The following KHDRBS2 variants were observed in gnomAD, a reference collection of about 807,000 sequenced individuals.
The protein encoded by KHDRBS2 is KH domain-containing, RNA-binding, signal transduction-associated protein 2.
KHDRBS2 carries 26 observed loss-of-function variants against 44.3 expected under a neutral mutation model. That is an observed-to-expected ratio of 0.59 (90% CI 0.43 to 0.81). The LOEUF (loss-of-function observed/expected upper bound fraction) is 0.81. Ranked by LOEUF, KHDRBS2 falls within the 40% of genes least tolerant of loss-of-function variation. The pLI is 0.00. For synonymous variants in KHDRBS2, 194 were observed against 151.1 expected (o/e 1.28, Z -2.08); for missense variants, 476 against 433.1 (o/e 1.10, Z -0.88).
chr6:62,089,950 A>G (rs1240721234), intron 2 of KHDRBS2, among the ~76,000 whole-genome samples: 2 of 152,172 alleles, frequency 1.3e-5, no homozygotes, highest in African/African-American at 4.8e-5. Flanking sequence ...GTGAAGGCCA[A>G]GGAACTGCAA....
chr6:62,265,296 T>C (rs1339654425), intron 1 of KHDRBS2, among the ~76,000 whole-genome samples: 1 of 152,018 alleles, frequency 6.6e-6, no homozygotes, highest in African/African-American at 2.4e-5. Flanking sequence ...GACTGTCTCC[T>C]GCATGCCACC....
Position 61,978,079 on chromosome 6 carries a change from T to A in KHDRBS2, c.470A>T (p.Lys157Ile), listed in dbSNP as rs1773071487. Reference protein sequence around the residue: ...RMSHALEEIKKFLVPDYNDEI... With the variant: ...RMSHALEEIKIFLVPDYNDEI... ...AAAGACACTTACAGGAACCAGGAATTTTTTAATCTCTTCCAATGCATGACT... is the reference window on the plus strand; with the variant it reads ...AAAGACACTTACAGGAACCAGGAATATTTTAATCTCTTCCAATGCATGACT... Residue 157 changes from lysine (K) to isoleucine (I), a missense_variant, in exon 4 of 9, where the codon AAA becomes ATA. Transcript: ENST00000281156. 1 of 1,590,408 alleles carries A rather than the reference T, an allele frequency of 6.3e-7. No individual in the cohort carries two copies. Among genetic ancestry groups the A allele is most frequent in the Admixed American group, 1.9e-5 (1 of 53,218 alleles).
At chr6:61,999,613 A>G (rs1488470066) in intron 3 of KHDRBS2, among the ~76,000 whole-genome samples, 1 of 152,142 alleles carries the variant, frequency 6.6e-6, no homozygotes, top group East Asian at 1.9e-4. Context: ...TAAAAGTACA[A>G]ATATTTTTAA....
chr6:62,186,495 A>T (rs1823444968), intron 1 of KHDRBS2, among the ~76,000 whole-genome samples: 1 of 152,044 alleles, frequency 6.6e-6, no homozygotes, highest in African/African-American at 2.4e-5. Flanking sequence ...ATTGTTAATT[A>T]TTGATGGTAT....
intron 3 of KHDRBS2, among the ~76,000 whole-genome samples, chr6:62,031,814 C>T (rs1350141732): frequency 6.6e-6 from 1 of 152,028 alleles, no homozygotes; most frequent in African/African-American, 2.4e-5. Flanking sequence ...TCATCACCAC[C>T]CAGAAGGGAA....
intron 1 of KHDRBS2, among the ~76,000 whole-genome samples, chr6:62,224,790 T>A (rs1297005025): frequency 1.3e-5 from 2 of 152,240 alleles, no homozygotes; most frequent in Non-Finnish European, 2.9e-5. Context: ...GCCTTTTATA[T>A]GCTACTTGGT....
chr6:62,092,690 T>G (rs1466637795), intron 2 of KHDRBS2, among the ~76,000 whole-genome samples: 2 of 152,214 alleles, frequency 1.3e-5, no homozygotes, highest in East Asian at 1.9e-4. Context: ...ACCTTTATTT[T>G]CATCAATCTT....
chr6:61,866,801 G>A (rs1174859138), intron 6 of KHDRBS2, among the ~76,000 whole-genome samples: 1 of 152,198 alleles, frequency 6.6e-6, no homozygotes, highest in Non-Finnish European at 1.5e-5. Flanking sequence ...ATTTAGAGCA[G>A]GGGCAAAATG....
In KHDRBS2 at chr6:61,925,409, A is replaced by G. The variant is rs192473645; in HGVS notation, c.484-24038T>C. Among the ~76,000 whole-genome samples, 22 of 152,284 alleles carry G rather than the reference A, an allele frequency of 1.4e-4. No homozygotes were observed. The East Asian group carries it at 3.5e-3, about 24-fold the overall frequency. The stretch of plus-strand genomic sequence containing the variant: ...GTTCCAAAGGTAAATAAGATGTTAT[A>G]TTTTCATCAAGCAATTTATAGTTTG... On this transcript the variant is annotated intron_variant, in intron 4 of 8. Transcript: ENST00000281156.
chr6:62,273,020 C>G, intron 1 of KHDRBS2, among the ~76,000 whole-genome samples: 1 of 152,046 alleles, frequency 6.6e-6, no homozygotes, highest in East Asian at 1.9e-4. Flanking sequence ...AAAAGGGATA[C>G]ATAAGTTAAA....
At chr6:61,747,398 C>A (rs1252348667) in intron 6 of KHDRBS2, among the ~76,000 whole-genome samples, 1 of 152,140 alleles carries the variant, frequency 6.6e-6, no homozygotes, top group African/African-American at 2.4e-5. Flanking sequence ...TGACATGATG[C>A]ACCTATTTAA....
At chr6:62,254,622 C>A (rs1837074253) in intron 1 of KHDRBS2, among the ~76,000 whole-genome samples, 1 of 151,778 alleles carries the variant, frequency 6.6e-6, no homozygotes, top group Non-Finnish European at 1.5e-5. Context: ...AGGAGAAAGC[C>A]AGTATTTAGT....
intron 6 of KHDRBS2, among the ~76,000 whole-genome samples, chr6:61,865,703 T>G (rs1215484562): frequency 6.6e-6 from 1 of 152,176 alleles, no homozygotes; most frequent in Admixed American, 6.5e-5. Flanking sequence ...CTTAATTCAT[T>G]TCAGCATTAA....
At chr6:62,075,853 G>C (rs1245907806) in intron 2 of KHDRBS2, among the ~76,000 whole-genome samples, 1 of 151,134 alleles carries the variant, frequency 6.6e-6, no homozygotes, top group African/African-American at 2.4e-5. Context: ...TCTAATCTCT[G>C]TATATACCCT....
chr6:62,072,917 T>C (rs1266181946), intron 2 of KHDRBS2, among the ~76,000 whole-genome samples: 2 of 152,118 alleles, frequency 1.3e-5, no homozygotes, highest in African/African-American at 4.8e-5. Flanking sequence ...GAAGGAATGG[T>C]ACCAGCTCCC....
chr6:61,543,902 C>T, the KHDRBS2 span, among the ~76,000 whole-genome samples: 1 of 151,848 alleles, frequency 6.6e-6, no homozygotes, highest in African/African-American at 2.4e-5. Flanking sequence ...AAAATCGAAA[C>T]AATTGAACTC....
intron 3 of KHDRBS2, among the ~76,000 whole-genome samples, chr6:61,983,203 T>TCTTTCTTTTCTTTCTTTC (rs796396120): frequency 8.9e-5 from 5 of 56,496 alleles, no homozygotes; most frequent in African/African-American, 3.6e-4. Context: ...TTTTTCATTT[T>TCTTTCTTTTCTTTCTTTC]CTTTCTTTCT....
At chr6:62,245,458 TC>T (rs1220874885) in intron 1 of KHDRBS2, among the ~76,000 whole-genome samples, 1 of 152,168 alleles carries the variant, frequency 6.6e-6, no homozygotes, top group Non-Finnish European at 1.5e-5. Flanking sequence ...TGTTTGATTT[TC>T]TTTCTGTTTC....
chr6:61,550,559 C>G, the KHDRBS2 span, among the ~76,000 whole-genome samples: 1 of 151,838 alleles, frequency 6.6e-6, no homozygotes, highest in African/African-American at 2.4e-5. Flanking sequence ...GGGATGGTGG[C>G]TTACATACTT....
Sources: gnomAD v4.1 joint callset for allele counts (sites outside exome capture counted in the v4.1 genomes callset) on GRCh38, gnomAD v4.1.1 for gene constraint, MANE v1.5 for transcripts, NCBI Gene and HGNC (gene_info 2026-07-23, HGNC 2026-07-21) for gene names.